STOX2: variants seen among roughly 807,000 people sequenced by gnomAD.
STOX2 encodes the protein storkhead box 2.
Under a neutral mutation model 60.9 loss-of-function variants are expected in STOX2, and 28 were observed. The observed-to-expected ratio is 0.46, with a 90% CI of 0.34 to 0.63. The LOEUF (loss-of-function observed/expected upper bound fraction) is 0.63, where lower values mean the gene tolerates loss of function less well. Among genes scored for constraint, STOX2 ranks in the 30% least tolerant of loss-of-function variants. The pLI is 0.01. For missense variants in STOX2, 1,024 were observed against 1,187.7 expected, an observed-to-expected ratio of 0.86 and a Z score of 2.03; for synonymous variants, 472 against 463.9, an observed-to-expected ratio of 1.02 and a Z score of -0.22.
chr4:183,851,852 G>GGAAAGGATGAGA lies in STOX2; in HGVS notation c.364+53809_364+53820dup, dbSNP rs1553968069. On this transcript the variant is annotated intron_variant, in intron 1 of 2. Transcript: ENST00000513034. Reference sequence around the variant, plus strand: ...GGGAAACGATGAGGGAAAGGATGAGGGAAAGGATGAGAGAAAGGATGAGGG... The same window carrying GGAAAGGATGAGA: ...GGGAAACGATGAGGGAAAGGATGAGGGAAAGGATGAGAGAAAGGATGAGAGAAAGGATGAGGG... Among the ~76,000 whole-genome samples, 13 of 62,252 alleles carry GGAAAGGATGAGA rather than the reference G, an allele frequency of 2.1e-4. 1 individual carries two copies. Among genetic ancestry groups the GGAAAGGATGAGA allele is most frequent in the African/African-American group, 9.5e-4 (12 of 12,634 alleles). The allele number at this position is 62,252 out of a possible 152,430, so 40.8% of individuals were successfully genotyped here. A position where few individuals can be genotyped will look rare whatever the true frequency, so the allele number is the denominator to read the frequency against.
At chr4:183,866,065 G>A (rs1740559594) in intron 1 of STOX2, among the ~76,000 whole-genome samples, 1 of 152,156 alleles carries the variant, frequency 6.6e-6, no homozygotes, top group Admixed American at 6.5e-5. Flanking sequence ...AAAACCCACA[G>A]CATAGGTGAA....
At chr4:183,861,283 G>T (rs1740435436) in intron 1 of STOX2, among the ~76,000 whole-genome samples, 1 of 139,934 alleles carries the variant, frequency 7.1e-6, no homozygotes, top group African/African-American at 2.6e-5. Flanking sequence ...AAACCCCCAG[G>T]TGGGAGTGGA....
Position 184,019,547 on chromosome 4 carries a change from A to G in STOX2, c.*2263A>G, listed in dbSNP as rs1476834033. The G allele has an allele frequency of 2.0e-5, 3 of 152,224 alleles. No homozygotes were observed. The highest frequency in any genetic ancestry group is 4.4e-5 in the Non-Finnish European group (3 of 68,044). 9.4% of individuals were successfully genotyped at this position (152,224 alleles called of 1,614,324 possible). A position where few individuals can be genotyped will look rare whatever the true frequency, so the allele number is the denominator to read the frequency against. On this transcript the variant is annotated 3_prime_UTR_variant, in exon 4 of 4. Coordinates refer to ENST00000308497, the MANE Select transcript of STOX2 (RefSeq NM_020225.3). ...TCGAATACTGTGTGAACAGGAAAGGAAAGCGTTACCTTTAAGAGAAGCTTT... is the reference window on the plus strand; with the variant it reads ...TCGAATACTGTGTGAACAGGAAAGGGAAGCGTTACCTTTAAGAGAAGCTTT...
At chr4:183,908,822 G>A (rs1209329841) in intron 1 of STOX2, among the ~76,000 whole-genome samples, 1 of 152,078 alleles carries the variant, frequency 6.6e-6, no homozygotes, top group East Asian at 1.9e-4. Context: ...GCGGTTTTCT[G>A]TTCAGATTCA....
chr4:183,953,160 A>T (rs1013121493), intron 1 of STOX2, among the ~76,000 whole-genome samples: 11 of 151,966 alleles, frequency 7.2e-5, no homozygotes, highest in African/African-American at 2.7e-4. Flanking sequence ...CATGTTCTGC[A>T]CATGTACCCC....
intron 1 of STOX2, among the ~76,000 whole-genome samples, chr4:183,847,457 AC>A (rs1289267033): frequency 1.3e-5 from 2 of 152,146 alleles, no homozygotes; most frequent in Non-Finnish European, 2.9e-5. Flanking sequence ...TCACTTCACC[AC>A]CCAGGGAAAG....
At position 183,966,154 on chromosome 4, in the gene STOX2, T is replaced by C. The variant is rs555348034; in HGVS notation, c.167-35171T>C. Among the ~76,000 whole-genome samples, 4 of 152,210 alleles carry C rather than the reference T, an allele frequency of 2.6e-5. No homozygotes were observed. The East Asian group carries it at 7.7e-4, about 29-fold the overall frequency. The stretch of plus-strand genomic sequence containing the variant: ...GGACCAGGGAGGGAGTTTTGACCCC[T>C]TCAGCTCTATATGGCCAAGAGTGGT... On this transcript the variant is annotated intron_variant, in intron 1 of 3. Transcript: ENST00000308497.
At chr4:183,874,904 CG>C (rs1740778946) in intron 1 of STOX2, among the ~76,000 whole-genome samples, 1 of 105,358 alleles carries the variant, frequency 9.5e-6, no homozygotes. Flanking sequence ...CCAGCCTGGG[CG>C]ATGGCGAGAC....
chr4:183,960,825 A>G lies in STOX2; in HGVS notation c.167-40500A>G, dbSNP rs186139543. On this transcript the variant is annotated intron_variant, in intron 1 of 3. Coordinates refer to ENST00000308497, the MANE Select transcript of STOX2 (RefSeq NM_020225.3). The stretch of plus-strand genomic sequence containing the variant: ...TGATATTATAGTCTTTCATTAATTG[A>G]CCATAATATCTGATTGCTCCAAAAC... 1.1e-3 allele frequency among the ~76,000 whole-genome samples: 170 copies of G among 152,304 alleles called. 1 individual carries two copies. The highest frequency in any genetic ancestry group is 3.9e-3 in the African/African-American group (164 of 41,566).
At chr4:183,914,898 T>C (rs1440956754) in intron 1 of STOX2, among the ~76,000 whole-genome samples, 1 of 152,180 alleles carries the variant, frequency 6.6e-6, no homozygotes, top group East Asian at 1.9e-4. Flanking sequence ...TCAGAAGCCA[T>C]TGCATTGTTG....
intron 1 of STOX2, among the ~76,000 whole-genome samples, chr4:183,938,698 A>G (rs954431625): frequency 2.1e-5 from 3 of 144,010 alleles, no homozygotes; most frequent in South Asian, 2.2e-4. Context: ...AAAAAAATCT[A>G]TTTTATTCCC....
chr4:183,959,343 T>C (rs67592505), intron 1 of STOX2, among the ~76,000 whole-genome samples: 11,081 of 152,192 alleles, frequency 0.073, 529 homozygotes, highest in South Asian at 0.15. Context: ...GGGGGGGTTT[T>C]CAAAAAGGTG....
At chr4:183,938,195 ATCT>A (rs1314116497) in intron 1 of STOX2, among the ~76,000 whole-genome samples, 3 of 152,144 alleles carry the variant, frequency 2.0e-5, no homozygotes, top group East Asian at 1.9e-4. Context: ...TTACTTTAAA[ATCT>A]TCTTCCATTC....
At position 183,836,068 on chromosome 4, in the gene STOX2, G is replaced by A. The variant is rs1165353084; in HGVS notation, c.364+38013G>A. 6.6e-6 allele frequency among the ~76,000 whole-genome samples: 1 copy of A among 152,084 alleles called. No individual in the cohort carries two copies. Among genetic ancestry groups the A allele is most frequent in the Non-Finnish European group, 1.5e-5 (1 of 68,020 alleles). On this transcript the variant is annotated intron_variant, in intron 1 of 2. Transcript: ENST00000513034. The surrounding 1 kb of genome is among the most constrained non-coding windows in gnomAD (Gnocchi z 4.1). ...TTTTATCTGAGCCATCCTAGTGGGT[G>A]GAAAGTGGTATCCACTGCAGTTTTG... is the stretch of plus-strand genomic sequence containing the variant.
intron 1 of STOX2, among the ~76,000 whole-genome samples, chr4:183,840,430 C>T (rs760382023): frequency 1.3e-5 from 2 of 152,138 alleles, no homozygotes; most frequent in Non-Finnish European, 2.9e-5. Flanking sequence ...AGGGGGCAAG[C>T]GAAGAATGGC....
In STOX2 at chr4:183,835,476, G is replaced by A. The variant is rs368590710; in HGVS notation, c.364+37421G>A. ...CCTGACCTCGTGATCCACCTGCCTC[G>A]GCCTCCCAAAGTGCTGGGATTACAG... is the stretch of plus-strand genomic sequence containing the variant. On this transcript the variant is annotated intron_variant, in intron 1 of 2. Transcript: ENST00000513034. Among the ~76,000 whole-genome samples the A allele has an allele frequency of 4.0e-3, 614 of 152,046 alleles. 4 individuals carry two copies. Among genetic ancestry groups the A allele is most frequent in the African/African-American group, 0.013 (550 of 41,488 alleles).
intron 1 of STOX2, among the ~76,000 whole-genome samples, chr4:183,833,729 T>C (rs1165324899): frequency 6.6e-6 from 1 of 150,772 alleles, no homozygotes; most frequent in Non-Finnish European, 1.5e-5. Context: ...ACGCCTGTAA[T>C]CCCAGCACTT....
chr4:183,878,289 T>A (rs1370072899), intron 1 of STOX2, among the ~76,000 whole-genome samples: 1 of 152,216 alleles, frequency 6.6e-6, no homozygotes, highest in Non-Finnish European at 1.5e-5. Context: ...TTCCCAGGAA[T>A]AAGAAAAACT....
At chr4:183,968,514 A>G (rs1743646194) in intron 1 of STOX2, among the ~76,000 whole-genome samples, 1 of 152,078 alleles carries the variant, frequency 6.6e-6, no homozygotes, top group Non-Finnish European at 1.5e-5. Context: ...ACAAACACAG[A>G]CCTACAGAAT....
Sources: gnomAD v4.1 joint callset for allele counts (sites outside exome capture counted in the v4.1 genomes callset) on GRCh38, gnomAD v4.1.1 for gene constraint, Gnocchi (gnomAD v3.1) non-coding constraint, MANE v1.5 for transcripts, NCBI Gene and HGNC (gene_info 2026-07-23, HGNC 2026-07-21) for gene names.